Variants in ALK observed in about 807,000 individuals in gnomAD.
ALK encodes ALK receptor tyrosine kinase, also known as ALK tyrosine kinase receptor.
In ALK, 74 loss-of-function variants were observed where a neutral mutation model predicts 163.1. That is an observed-to-expected ratio of 0.45 (90% CI 0.38 to 0.55). The LOEUF (loss-of-function observed/expected upper bound fraction) is 0.55. Ranked by LOEUF, ALK falls within the 20% of genes least tolerant of loss-of-function variation. The pLI is 0.00. For synonymous variants in ALK, 960 were observed against 843.2 expected, an observed-to-expected ratio of 1.14 and a Z score of -2.40; for missense variants, 2,063 against 2,105.3, an observed-to-expected ratio of 0.98 and a Z score of 0.39.
chr2:29,909,468 GAGACAGACAGAC>G (rs1182660625), intron 1 of ALK, among the ~76,000 whole-genome samples: 17 of 138,102 alleles, frequency 1.2e-4, no homozygotes, highest in Non-Finnish European at 1.7e-4. Flanking sequence ...CACACAGAGA[GAGACAGACAGAC>G]AGAGAGAGAG....
chr2:29,320,404 C>G (rs1666991041), intron 7 of ALK, among the ~76,000 whole-genome samples: 1 of 152,170 alleles, frequency 6.6e-6, no homozygotes, highest in Non-Finnish European at 1.5e-5. Context: ...ATAAAGAGGG[C>G]TATGGCTTTC....
chr2:29,229,325 C>T (rs2148180947), intron 15 of ALK, among the ~76,000 whole-genome samples: 1 of 152,288 alleles, frequency 6.6e-6, no homozygotes, highest in South Asian at 2.1e-4. Context: ...CCTGCCAGTA[C>T]TCTCTGGCTC....
Position 29,632,434 on chromosome 2 carries a change from G to A in ALK, c.952+62416C>T, listed in dbSNP as rs529531285. On this transcript the variant is annotated intron_variant, in intron 3 of 28. Transcript: ENST00000389048. ...AAGATAAATATGGTTAAATTTAAGA[G>A]ATAAGATTAAATTAAAGTTATAGTA... Among the ~76,000 whole-genome samples the A allele has an allele frequency of 7.9e-5, 12 of 152,220 alleles. No homozygotes were observed. The East Asian group carries it at 2.1e-3, about 27-fold the overall frequency.
chr2:29,763,701 C>A (rs1477108914), intron 1 of ALK, among the ~76,000 whole-genome samples: 2 of 152,206 alleles, frequency 1.3e-5, no homozygotes, highest in East Asian at 3.9e-4. Flanking sequence ...CTGCCCCTTT[C>A]CTATCAGCTT....
rs1215616065 is a variant in ALK at position 29,920,434 on chromosome 2, A to G, written c.226T>C (p.Ser76Pro). 1 of 1,606,876 alleles carries G rather than the reference A, an allele frequency of 6.2e-7. No homozygotes were observed. The highest frequency in any genetic ancestry group is 1.7e-5 in the Admixed American group (1 of 59,372). Residue 76 changes from serine (S) to proline (P), a missense_variant, in exon 1 of 29, where the codon TCC (serine) becomes CCC (proline). By Grantham distance (74) the Ser-to-Pro change is moderately conservative. Coordinates refer to ENST00000389048, the MANE Select transcript of ALK (RefSeq NM_004304.5). ...VYARDLLLPP[S>P]SSELKAGRPE... ...CTGCCAGCCTTCAGCTCCGAGGAGG[A>G]TGGTGGCAGCAGTAGGTCCCGGGCG...
At chr2:29,364,719 G>T (rs540827509) in intron 5 of ALK, among the ~76,000 whole-genome samples, 1 of 152,220 alleles carries the variant, frequency 6.6e-6, no homozygotes, top group African/African-American at 2.4e-5. Context: ...GGGAACAGGC[G>T]TGGGTGACGG....
intron 3 of ALK, among the ~76,000 whole-genome samples, chr2:29,662,421 T>C (rs987956907): frequency 2.0e-5 from 3 of 152,150 alleles, no homozygotes; most frequent in Non-Finnish European, 4.4e-5. Flanking sequence ...ATTTCCTGTA[T>C]GTTTTATAAT....
intron 1 of ALK, among the ~76,000 whole-genome samples, chr2:29,780,941 T>C (rs1194291797): frequency 1.3e-5 from 2 of 152,174 alleles, no homozygotes; most frequent in African/African-American, 2.4e-5. Flanking sequence ...TAGGAATGGA[T>C]TAAAATATGC....
chr2:29,318,162 G>C lies in ALK; in HGVS notation c.1647+142C>G. 3 of 719,214 alleles carry C rather than the reference G, an allele frequency of 4.2e-6. No individual in the cohort carries two copies. In the South Asian group the frequency reaches 4.5e-5, roughly 11 times the overall value. The allele number at this position is 719,214 out of a possible 1,614,324, so 44.6% of individuals were successfully genotyped here. The stretch of plus-strand genomic sequence containing the variant: ...CATGTTGATGGACATGCTCTGCCTC[G>C]AAGATGGCAGAGGTGGCCCTCTTGT... On this transcript the variant is annotated intron_variant, in intron 8 of 28. Transcript: ENST00000389048.
chr2:29,311,743 T>A (rs1306494782), intron 8 of ALK, among the ~76,000 whole-genome samples: 2 of 152,182 alleles, frequency 1.3e-5, no homozygotes, highest in East Asian at 3.9e-4. Flanking sequence ...TCTAGGTTCC[T>A]CTCCTGAGCC....
At chr2:29,306,203 T>C (rs1434059688) in intron 8 of ALK, among the ~76,000 whole-genome samples, 1 of 152,234 alleles carries the variant, frequency 6.6e-6, no homozygotes, top group African/African-American at 2.4e-5. Flanking sequence ...TATCTCACTG[T>C]ATACTGACAA....
At chr2:29,216,382 C>G (rs1356198585) in intron 23 of ALK, among the ~76,000 whole-genome samples, 1 of 152,092 alleles carries the variant, frequency 6.6e-6, no homozygotes, top group Non-Finnish European at 1.5e-5. Context: ...TCCTACCAGT[C>G]TCTTTGTGTC....
intron 11 of ALK, among the ~76,000 whole-genome samples, chr2:29,271,498 G>C (rs1055941435): frequency 1.3e-5 from 2 of 152,198 alleles, no homozygotes; most frequent in African/African-American, 2.4e-5. Context: ...TGATGGTATC[G>C]CCCTTCAACC....
chr2:29,753,255 A>C lies in ALK; in HGVS notation c.668-35558T>G, dbSNP rs574851491. ...TAAAGTCATTTTAGGAGCTGCCACT[A>C]ATCTTAAAAAATAACAAGTGCGATT... On this transcript the variant is annotated intron_variant, in intron 1 of 28. Coordinates refer to ENST00000389048, the MANE Select transcript of ALK (RefSeq NM_004304.5). 3.9e-4 allele frequency among the ~76,000 whole-genome samples: 59 copies of C among 152,332 alleles called. 2 individuals are homozygous for C. Among genetic ancestry groups the C allele is most frequent in the African/African-American group, 1.1e-3 (46 of 41,568 alleles).
chr2:29,879,939 A>G (rs1223612997), intron 1 of ALK, among the ~76,000 whole-genome samples: 1 of 152,240 alleles, frequency 6.6e-6, no homozygotes, highest in Non-Finnish European at 1.5e-5. Context: ...ATTACTTCAC[A>G]GTCATCTGAT....
chr2:29,452,511 A>G (rs1053030773), intron 4 of ALK, among the ~76,000 whole-genome samples: 3 of 152,098 alleles, frequency 2.0e-5, no homozygotes, highest in Non-Finnish European at 4.4e-5. Context: ...TTCATTGTCT[A>G]ACTCCTAATA....
rs2148444277 is a variant in ALK at position 29,920,688 on chromosome 2, C to T, written c.-29G>A. The T allele has an allele frequency of 6.6e-7, 1 of 1,524,450 alleles. No homozygotes were observed. Among genetic ancestry groups the T allele is most frequent in the African/African-American group, 1.4e-5 (1 of 72,918 alleles). 94.4% of individuals were successfully genotyped at this position (1,524,450 alleles called of 1,614,324 possible). On this transcript the variant is annotated 5_prime_UTR_variant, in exon 1 of 29. Transcript: ENST00000389048. ...GCCGGAGGAGGCCGTTTACACTGCT[C>T]TCCGGGCCCAGCCTCACCCTTCGCT...
intron 12 of ALK, among the ~76,000 whole-genome samples, chr2:29,243,165 G>T (rs1664567884): frequency 6.6e-6 from 1 of 152,286 alleles, no homozygotes; most frequent in East Asian, 1.9e-4. Context: ...TGCCACTCAG[G>T]GCCAGGAGTA....
intron 9 of ALK, among the ~76,000 whole-genome samples, chr2:29,277,725 C>T (rs1482170237): frequency 6.6e-6 from 1 of 152,180 alleles, no homozygotes; most frequent in African/African-American, 2.4e-5. Context: ...GGAGAACCTT[C>T]AAATCCTGTT....
Sources: allele counts gnomAD v4.1 joint callset (sites outside exome capture counted in the v4.1 genomes callset), GRCh38; gene constraint gnomAD v4.1.1; transcripts MANE v1.5; gene names NCBI Gene and HGNC (gene_info 2026-07-23, HGNC 2026-07-21).